The following TOM1L2 variants were observed in gnomAD, a reference collection of about 807,000 sequenced individuals.
TOM1L2 encodes target of myb1 like 2 membrane trafficking protein.
A neutral mutation model predicts 67.9 loss-of-function variants in TOM1L2; 31 were observed. The ratio of observed to expected loss-of-function variants is 0.46; its 90% CI spans 0.34 to 0.62. The LOEUF is 0.62. Ranked by LOEUF, TOM1L2 falls within the 20% of genes least tolerant of loss-of-function variation. The pLI is 0.01. For synonymous variants in TOM1L2, 256 were observed against 254.0 expected (o/e 1.01, Z -0.07); for missense variants, 606 against 663.5 (o/e 0.91, Z 0.95).
chr17:17,962,478 A>C (rs903367932), intron 1 of TOM1L2, among the ~76,000 whole-genome samples: 1 of 151,816 alleles, frequency 6.6e-6, no homozygotes, highest in African/African-American at 2.4e-5. Flanking sequence ...ATGCCCGGCT[A>C]ATTTTTTTGT....
chr17:17,930,636 G>A (rs569767447), intron 1 of TOM1L2, among the ~76,000 whole-genome samples: 1 of 152,310 alleles, frequency 6.6e-6, no homozygotes, highest in Non-Finnish European at 1.5e-5. Context: ...CTTTCCTTGT[G>A]ATGGTACAAG....
chr17:17,939,972 C>T (rs1348498282), intron 1 of TOM1L2, among the ~76,000 whole-genome samples: 1 of 151,872 alleles, frequency 6.6e-6, no homozygotes, highest in Non-Finnish European at 1.5e-5. Context: ...TCGGGAGGAT[C>T]ACTTGAGGTC....
At position 17,844,128 on chromosome 17, in the gene TOM1L2, C is replaced by A. The variant is rs186015839; in HGVS notation, c.*3507G>T. 6.6e-6 allele frequency: 1 copy of A among 152,608 alleles called. No individual in the cohort carries two copies. Among genetic ancestry groups the A allele is most frequent in the Admixed American group, 6.5e-5 (1 of 15,310 alleles). 9.5% of individuals were successfully genotyped at this position (152,608 alleles called of 1,614,324 possible). ...GAAGCCAGGCTGCAAGCAAGTGCTC[C>A]TCCACACTGCTCTTCCAGAGCTGCC... On this transcript the variant is annotated 3_prime_UTR_variant, in exon 15 of 15. Transcript: ENST00000379504.
chr17:17,928,615 A>T (rs2040196468), intron 1 of TOM1L2, among the ~76,000 whole-genome samples: 1 of 151,694 alleles, frequency 6.6e-6, no homozygotes, highest in Non-Finnish European at 1.5e-5. Context: ...AATTAATTGC[A>T]CTCTTCTGGG....
chr17:17,965,117 G>C (rs940303769), intron 1 of TOM1L2, among the ~76,000 whole-genome samples: 4 of 150,736 alleles, frequency 2.7e-5, no homozygotes, highest in African/African-American at 9.8e-5. Flanking sequence ...ATTCTGCACA[G>C]AAGCGGGCTT....
At chr17:17,887,934 G>A (rs1034408638) in intron 4 of TOM1L2, among the ~76,000 whole-genome samples, 2 of 152,224 alleles carry the variant, frequency 1.3e-5, no homozygotes, top group Admixed American at 1.3e-4. Context: ...CACTTAGGCT[G>A]TCAACAGACT....
intron 8 of TOM1L2, among the ~76,000 whole-genome samples, 153 bp from the exon 9 acceptor site, chr17:17,867,077 C>A (rs4924824): frequency 1.3e-5 from 2 of 152,152 alleles, no homozygotes; most frequent in Admixed American, 1.3e-4. Flanking sequence ...AACTCTGCCA[C>A]GGCTTCCTCT....
intron 1 of TOM1L2, among the ~76,000 whole-genome samples, chr17:17,918,947 G>T (rs530967394): frequency 1.4e-4 from 22 of 152,300 alleles, no homozygotes; most frequent in Admixed American, 4.6e-4. Context: ...AAACCCTTCT[G>T]AGGCCCCCAG....
At chr17:17,864,148 C>T (rs1338768367) in intron 10 of TOM1L2, among the ~76,000 whole-genome samples, 1 of 152,094 alleles carries the variant, frequency 6.6e-6, no homozygotes, top group African/African-American at 2.4e-5. Flanking sequence ...GGATTACAGG[C>T]GTGAGCCACT....
At chr17:17,958,066 G>T (rs575663985) in intron 1 of TOM1L2, among the ~76,000 whole-genome samples, 4 of 151,562 alleles carry the variant, frequency 2.6e-5, no homozygotes, top group East Asian at 3.9e-4. Flanking sequence ...CTCCAGCCTG[G>T]GCAACAGAGC....
chr17:17,925,096 A>G (rs1793359139), intron 1 of TOM1L2, among the ~76,000 whole-genome samples: 2 of 152,166 alleles, frequency 1.3e-5, no homozygotes, highest in Admixed American at 1.3e-4. Flanking sequence ...TTCTGCCATG[A>G]GTAAAAGCTT....
chr17:17,875,272 A>G (rs1308396360), intron 7 of TOM1L2, among the ~76,000 whole-genome samples: 1 of 149,440 alleles, frequency 6.7e-6, no homozygotes, highest in Admixed American at 6.6e-5. Flanking sequence ...AAAAAAAGAA[A>G]AAAAAAAAAA....
At chr17:17,893,374 A>G (rs931329048) in intron 4 of TOM1L2, among the ~76,000 whole-genome samples, 4 of 152,044 alleles carry the variant, frequency 2.6e-5, no homozygotes, top group Non-Finnish European at 2.9e-5. Flanking sequence ...TTCCTACTCC[A>G]AGTTTTCTCA....
chr17:17,847,706 G>A lies in TOM1L2; in HGVS notation c.1453C>T (p.Pro485Ser), dbSNP rs1231557027. Residue 485 changes from proline to serine, a missense_variant, in exon 15 of 15, where the codon CCT becomes TCT. Physicochemically the swap from Pro to Ser is moderately conservative, Grantham distance 74. Transcript: ENST00000379504. The part of the protein sequence containing the change: ...PDLPSPPMEA[P>S]APASNPSGRK... ...CCAGAAGGGTTTGAGGCTGGGGCAG[G>A]AGCCTCCATGGGGGGCGAGGGGAGG... 1 of 1,614,052 alleles carries A rather than the reference G, an allele frequency of 6.2e-7. No homozygotes were observed. The highest frequency in any genetic ancestry group is 8.5e-7 in the Non-Finnish European group (1 of 1,180,004).
intron 7 of TOM1L2, among the ~76,000 whole-genome samples, chr17:17,876,183 T>C (rs1257575522): frequency 1.3e-5 from 2 of 152,232 alleles, no homozygotes; most frequent in Non-Finnish European, 2.9e-5. Flanking sequence ...ACTCAGGCTT[T>C]CTGCAGGTAA....
intron 1 of TOM1L2, among the ~76,000 whole-genome samples, chr17:17,934,273 T>C (rs145614479): frequency 6.4e-4 from 97 of 152,270 alleles, no homozygotes; most frequent in African/African-American, 2.1e-3. Context: ...AGTGAGACTT[T>C]GTCTCTACAA....
At chr17:17,955,488 GCCA>G in intron 1 of TOM1L2, among the ~76,000 whole-genome samples, 1 of 151,992 alleles carries the variant, frequency 6.6e-6, no homozygotes, top group Non-Finnish European at 1.5e-5. Flanking sequence ...ACAGGCACAC[GCCA>G]CCAAGCCCAG....
intron 1 of TOM1L2, among the ~76,000 whole-genome samples, chr17:17,932,488 A>G (rs2040372627): frequency 1.3e-5 from 2 of 152,038 alleles, no homozygotes; most frequent in Admixed American, 1.3e-4. Flanking sequence ...GGGATAGATG[A>G]ATTATGGTAA....
At chr17:17,871,862 TA>T (rs2037171754) in intron 7 of TOM1L2, 1 of 641,006 alleles carries the variant, frequency 1.6e-6, no homozygotes, top group Non-Finnish European at 1.9e-6. Context: ...TAAGCACTTA[TA>T]AACATACAGA....
Sources: allele counts gnomAD v4.1 joint callset (sites outside exome capture counted in the v4.1 genomes callset), GRCh38; gene constraint gnomAD v4.1.1; transcripts MANE v1.5; gene names NCBI Gene and HGNC (gene_info 2026-07-23, HGNC 2026-07-21).